ZNF385D: variants seen among roughly 807,000 people sequenced by gnomAD.
ZNF385D encodes the protein zinc finger protein 659.
A neutral mutation model predicts 35.8 loss-of-function variants in ZNF385D; 15 were observed. That is an observed-to-expected ratio of 0.42 (90% confidence interval 0.28 to 0.64). The LOEUF (loss-of-function observed/expected upper bound fraction) is 0.64, where lower values mean the gene tolerates loss of function less well. ZNF385D is among the 30% of genes least tolerant of loss of function. The pLI is 0.23. For missense variants in ZNF385D, 474 were observed against 494.6 expected, an observed-to-expected ratio of 0.96 and a Z score of 0.39; for synonymous variants, 212 against 186.8, an observed-to-expected ratio of 1.13 and a Z score of -1.10.
chr3:22,195,243 T>C (rs981645518), intron 2 of ZNF385D, among the ~76,000 whole-genome samples: 3 of 151,976 alleles, frequency 2.0e-5, no homozygotes, highest in African/African-American at 7.2e-5. Context: ...ACACTTTTTT[T>C]CTTAACTCCT....
chr3:22,282,412 A>C (rs906111817), intron 2 of ZNF385D, among the ~76,000 whole-genome samples: 2 of 152,040 alleles, frequency 1.3e-5, no homozygotes, highest in Middle Eastern at 3.2e-3. Flanking sequence ...TGTTTCTTAG[A>C]GGTTTTGATA....
chr3:21,973,868 A>C (rs1703429499), intron 3 of ZNF385D, among the ~76,000 whole-genome samples: 1 of 152,056 alleles, frequency 6.6e-6, no homozygotes, highest in Admixed American at 6.6e-5. Context: ...AAAACAAAAA[A>C]GGTGAAAGAT....
At chr3:21,744,053 T>C (rs1264569230) in intron 1 of ZNF385D, among the ~76,000 whole-genome samples, 3 of 152,152 alleles carry the variant, frequency 2.0e-5, no homozygotes, top group Non-Finnish European at 4.4e-5. Flanking sequence ...CCATTCTCCA[T>C]TGTAAAGAGC....
chr3:22,167,732 T>C (rs572465311), intron 3 of ZNF385D, among the ~76,000 whole-genome samples: 2 of 152,352 alleles, frequency 1.3e-5, no homozygotes, highest in African/African-American at 4.8e-5. Context: ...CCTGTGTCAC[T>C]AGGTTTATCT....
intron 2 of ZNF385D, among the ~76,000 whole-genome samples, chr3:22,296,741 G>C (rs1002157430): frequency 6.6e-6 from 1 of 152,048 alleles, no homozygotes; most frequent in African/African-American, 2.4e-5. Flanking sequence ...CCTCCATGTG[G>C]CCTCTCCCTA....
rs116452637 is a variant in ZNF385D, at chr3:21,432,474, A to G, written c.673+4496T>C. On this transcript the variant is annotated intron_variant, in intron 5 of 7. Transcript: ENST00000281523. ...AATTATCCAATGTTGCTAAATTAGT[A>G]ATGAGCTTTAACTATAAACGATCTC... Among the ~76,000 whole-genome samples, 734 of 152,260 alleles carry G rather than the reference A, an allele frequency of 4.8e-3. 2 individuals carry two copies. Among genetic ancestry groups the G allele is most frequent in the African/African-American group, 0.017 (690 of 41,548 alleles).
chr3:22,346,280 T>C (rs897940632), intron 2 of ZNF385D, among the ~76,000 whole-genome samples: 22 of 152,230 alleles, frequency 1.4e-4, no homozygotes, highest in Non-Finnish European at 3.1e-4. Context: ...ATTCATTTCT[T>C]TTTCCAAAAA....
At chr3:21,798,988 A>T (rs1237601431) in intron 3 of ZNF385D, among the ~76,000 whole-genome samples, 2 of 152,172 alleles carry the variant, frequency 1.3e-5, no homozygotes, top group Non-Finnish European at 2.9e-5. Context: ...TCTGACAAAC[A>T]TTAATCTGCT....
chr3:21,450,141 A>G (rs1282029415), intron 4 of ZNF385D, among the ~76,000 whole-genome samples: 1 of 152,172 alleles, frequency 6.6e-6, no homozygotes, highest in Non-Finnish European at 1.5e-5. Context: ...TCAAGGTTTT[A>G]TTGAGGAGGG....
chr3:21,869,524 G>A (rs1368689968), intron 3 of ZNF385D, among the ~76,000 whole-genome samples: 2 of 152,030 alleles, frequency 1.3e-5, no homozygotes, highest in Non-Finnish European at 2.9e-5. Flanking sequence ...GGTCAGTAAA[G>A]CCCACTAAGT....
chr3:22,028,054 G>A (rs1294851413), intron 3 of ZNF385D, among the ~76,000 whole-genome samples: 5 of 152,158 alleles, frequency 3.3e-5, no homozygotes, highest in Non-Finnish European at 4.4e-5. Flanking sequence ...ATGGTCAGAT[G>A]TACGATTATA....
At chr3:22,020,664 T>C (rs1216097130) in intron 3 of ZNF385D, among the ~76,000 whole-genome samples, 3 of 152,044 alleles carry the variant, frequency 2.0e-5, no homozygotes, top group Admixed American at 6.6e-5. Flanking sequence ...AGAACTCTTA[T>C]AGACTGTTGG....
chr3:22,246,015 T>G (rs1699759196), intron 2 of ZNF385D, among the ~76,000 whole-genome samples: 1 of 152,140 alleles, frequency 6.6e-6, no homozygotes, highest in African/African-American at 2.4e-5. Flanking sequence ...GCCAGCCTAC[T>G]ACCACTTTTG....
intron 3 of ZNF385D, among the ~76,000 whole-genome samples, chr3:21,789,694 C>T (rs2336052): frequency 0.91 from 139,099 of 152,248 alleles, 63,685 homozygotes; most frequent in East Asian, 0.98. Flanking sequence ...TAGAAAATTC[C>T]TGATTTGCAT....
intron 3 of ZNF385D, among the ~76,000 whole-genome samples, chr3:21,914,455 T>C (rs73129364): frequency 0.015 from 2,335 of 151,840 alleles, 62 homozygotes; most frequent in African/African-American, 0.052. Flanking sequence ...AGATTAAACC[T>C]TTCTCATTTG....
At chr3:21,761,425 G>A (rs1159704417) in intron 3 of ZNF385D, among the ~76,000 whole-genome samples, 1 of 152,166 alleles carries the variant, frequency 6.6e-6, no homozygotes, top group African/African-American at 2.4e-5. Flanking sequence ...AATTTCTGAA[G>A]AGTATTACTT....
chr3:21,757,743 A>G (rs1470523139), intron 3 of ZNF385D, among the ~76,000 whole-genome samples: 4 of 152,242 alleles, frequency 2.6e-5, no homozygotes, highest in African/African-American at 9.6e-5. Flanking sequence ...CCTTTATCTC[A>G]TACAGAGGAA....
intron 3 of ZNF385D, among the ~76,000 whole-genome samples, chr3:21,874,688 T>A (rs1697872104): frequency 6.6e-6 from 1 of 152,120 alleles, no homozygotes; most frequent in South Asian, 2.1e-4. Flanking sequence ...CTAGCTTTGT[T>A]CTTTTTCAAG....
At chr3:21,460,978 T>C (rs1703132103) in intron 4 of ZNF385D, among the ~76,000 whole-genome samples, 1 of 152,168 alleles carries the variant, frequency 6.6e-6, no homozygotes. Flanking sequence ...CACAAAATTC[T>C]TTACAATCAG....
Sources: allele counts gnomAD v4.1 joint callset (sites outside exome capture counted in the v4.1 genomes callset), GRCh38; gene constraint gnomAD v4.1.1; transcripts MANE v1.5; gene names NCBI Gene and HGNC (gene_info 2026-07-23, HGNC 2026-07-21).